Variants in NAALADL2 observed in about 807,000 individuals in gnomAD.
The protein encoded by NAALADL2 is N-acetylated alpha-linked acidic dipeptidase like 2.
Under a neutral mutation model 87.2 loss-of-function variants are expected in NAALADL2, and 76 were observed. The observed-to-expected ratio is 0.87, with a 90% CI of 0.72 to 1.05. NAALADL2 has a LOEUF of 1.05. Ranked by LOEUF, NAALADL2 falls within the 50% of genes least tolerant of loss-of-function variation. The pLI is 0.00. For missense variants in NAALADL2, 1,089 were observed against 945.8 expected (o/e 1.15, Z -1.99); for synonymous variants, 354 against 331.0 (o/e 1.07, Z -0.75).
At chr3:174,979,873 C>T (rs115481548) in intron 1 of NAALADL2, among the ~76,000 whole-genome samples, 2,663 of 152,230 alleles carry the variant, frequency 0.017, 30 homozygotes, top group Non-Finnish European at 0.025. Flanking sequence ...TCAACCATAT[C>T]GATCACTTTA....
chr3:174,891,245 T>G (rs1730836552), intron 1 of NAALADL2, among the ~76,000 whole-genome samples: 1 of 152,070 alleles, frequency 6.6e-6, no homozygotes, highest in Non-Finnish European at 1.5e-5. Context: ...GAATACACTC[T>G]AAGGTGGCAA....
At chr3:175,598,242 A>G (rs79217231) in intron 10 of NAALADL2, among the ~76,000 whole-genome samples, 8,315 of 152,058 alleles carry the variant, frequency 0.055, 749 homozygotes, top group African/African-American at 0.19. Flanking sequence ...CTAGATAGGA[A>G]ATTACATACA....
At chr3:174,651,499 C>T (rs898104911) in intron 2 of NAALADL2, among the ~76,000 whole-genome samples, 5 of 152,192 alleles carry the variant, frequency 3.3e-5, no homozygotes, top group African/African-American at 7.2e-5. Context: ...TGCCTTTATA[C>T]AGCACTTATT....
intron 5 of NAALADL2, among the ~76,000 whole-genome samples, chr3:175,339,206 A>G (rs767612811): frequency 1.3e-5 from 2 of 152,228 alleles, no homozygotes; most frequent in East Asian, 1.9e-4. Context: ...GTCTAGAATC[A>G]CTAATCGAAA....
In NAALADL2 at chr3:174,782,426, A is replaced by T. The variant is rs182513670; in HGVS notation, c.-9+44680A>T. On this transcript the variant is annotated intron_variant, in intron 3 of 3. Transcript: ENST00000434257. ...CATTATTAATAATAATCTAATTATT[A>T]TTCCAATATTTGCCTTAACACAAAT... Among the ~76,000 whole-genome samples the T allele has an allele frequency of 7.6e-4, 116 of 151,988 alleles. No homozygotes were observed. The East Asian group carries it at 0.02, about 27-fold the overall frequency.
chr3:174,722,413 G>C (rs938751906), intron 2 of NAALADL2, among the ~76,000 whole-genome samples: 1 of 152,080 alleles, frequency 6.6e-6, no homozygotes, highest in Non-Finnish European at 1.5e-5. Context: ...GATTAATAAC[G>C]TAGGGTGGGC....
intron 11 of NAALADL2, among the ~76,000 whole-genome samples, chr3:175,733,101 A>G (rs577793348): frequency 6.6e-6 from 1 of 152,276 alleles, no homozygotes; most frequent in East Asian, 1.9e-4. Flanking sequence ...TATTTCTAAT[A>G]AACACATTTT....
At chr3:174,537,986 C>T (rs1721881782) in intron 1 of NAALADL2, among the ~76,000 whole-genome samples, 1 of 149,386 alleles carries the variant, frequency 6.7e-6, no homozygotes, top group Non-Finnish European at 1.5e-5. Context: ...CCTTGATTCC[C>T]CAGGATCTAT....
intron 1 of NAALADL2, among the ~76,000 whole-genome samples, chr3:175,074,064 T>C (rs1466536530): frequency 6.6e-6 from 1 of 151,926 alleles, no homozygotes; most frequent in East Asian, 1.9e-4. Context: ...GGATTTTAGC[T>C]TTTTTTTACT....
intron 2 of NAALADL2, among the ~76,000 whole-genome samples, chr3:174,577,977 A>C (rs1297940052): frequency 6.6e-6 from 1 of 152,038 alleles, no homozygotes; most frequent in Non-Finnish European, 1.5e-5. Context: ...GAAAGTACAA[A>C]ATTTAAAAGA....
chr3:174,863,192 C>T (rs1040480026), intron 1 of NAALADL2, among the ~76,000 whole-genome samples: 2 of 152,112 alleles, frequency 1.3e-5, no homozygotes, highest in Non-Finnish European at 2.9e-5. Flanking sequence ...CCAGAGGCCA[C>T]GTCTCTAACC....
chr3:174,853,711 G>A (rs1725528539), intron 3 of NAALADL2, among the ~76,000 whole-genome samples: 2 of 151,974 alleles, frequency 1.3e-5, no homozygotes, highest in African/African-American at 2.4e-5. Context: ...ATTTTAAAAT[G>A]GGCCAAAGAT....
intron 2 of NAALADL2, among the ~76,000 whole-genome samples, chr3:175,201,040 T>G (rs923045023): frequency 2.0e-5 from 3 of 152,166 alleles, no homozygotes; most frequent in African/African-American, 7.2e-5. Flanking sequence ...ACTTTCAGAA[T>G]TATGTCAAAT....
chr3:174,740,602 T>C (rs6775455), intron 3 of NAALADL2, among the ~76,000 whole-genome samples: 4,599 of 151,960 alleles, frequency 0.03, 245 homozygotes, highest in African/African-American at 0.1. Context: ...TAAAATACTC[T>C]TATAATCAAA....
chr3:174,836,490 A>C (rs1353305563), intron 3 of NAALADL2, among the ~76,000 whole-genome samples: 12 of 152,108 alleles, frequency 7.9e-5, no homozygotes, highest in Admixed American at 3.9e-4. Flanking sequence ...TCATGAGGTC[A>C]GGAGATTGAG....
intron 2 of NAALADL2, among the ~76,000 whole-genome samples, chr3:175,201,693 C>A (rs1740048584): frequency 1.3e-5 from 2 of 151,838 alleles, no homozygotes; most frequent in African/African-American, 4.8e-5. Context: ...ACACTAATTT[C>A]CTTTTGTATG....
chr3:175,310,191 G>A (rs1758188718), intron 4 of NAALADL2, among the ~76,000 whole-genome samples: 2 of 152,062 alleles, frequency 1.3e-5, no homozygotes, highest in Non-Finnish European at 2.9e-5. Flanking sequence ...AGCCTTGGAG[G>A]AGAATTACAT....
intron 2 of NAALADL2, among the ~76,000 whole-genome samples, chr3:175,211,505 A>C (rs1741758281): frequency 1.3e-5 from 2 of 151,928 alleles, no homozygotes; most frequent in Non-Finnish European, 2.9e-5. Context: ...TTTTATACTA[A>C]AGTACCTCTG....
At chr3:174,508,895 A>C (rs1403686498) in intron 1 of NAALADL2, among the ~76,000 whole-genome samples, 2 of 152,178 alleles carry the variant, frequency 1.3e-5, no homozygotes. Context: ...AGTATATAAT[A>C]ACAATTAATT....
Sources: allele counts gnomAD v4.1 joint callset (sites outside exome capture counted in the v4.1 genomes callset), GRCh38; gene constraint gnomAD v4.1.1; transcripts MANE v1.5; gene names NCBI Gene and HGNC (gene_info 2026-07-23, HGNC 2026-07-21).